Variants in IGBP1 observed in about 807,000 individuals in gnomAD.
IGBP1 encodes immunoglobulin-binding protein 1.
Under a neutral mutation model 25.9 loss-of-function variants are expected in IGBP1, and 2 were observed. The observed-to-expected ratio is 0.08, with a 90% CI of 0.03 to 0.24. The LOEUF (loss-of-function observed/expected upper bound fraction) is 0.24. Ranked by LOEUF, IGBP1 falls within the 10% of genes least tolerant of loss-of-function variation. The pLI is 1.00. For synonymous variants in IGBP1, 96 were observed against 93.4 expected, an observed-to-expected ratio of 1.03 and a Z score of -0.16; for missense variants, 187 against 260.4, an observed-to-expected ratio of 0.72 and a Z score of 1.94.
intron 3 of IGBP1, among the ~76,000 whole-genome samples, chrX:70,137,755 A>G (rs1328295433): frequency 2.5e-4 from 27 of 107,461 alleles, no homozygotes; most frequent in African/African-American, 9.1e-4. Flanking sequence ...ATTATACAAA[A>G]AAAAAAAAAA....
At position 70,134,586 on chromosome X, in the gene IGBP1, T is replaced by G; in HGVS notation, c.252T>G (p.Phe84Leu). 1 of 1,211,665 alleles carries G rather than the reference T, an allele frequency of 8.3e-7. No individual in the cohort carries two copies. Among genetic ancestry groups the G allele is most frequent in the Non-Finnish European group, 1.1e-6 (1 of 895,198 alleles). Residue 84 changes from phenylalanine to leucine, a missense_variant, in exon 3 of 7, where the codon TTT becomes TTG. Transcript: ENST00000356413. ...TGAAGTACCTTTTGGTGCCAGCGTTTCAAGGAGCCCTCACCATGAAACAAG... is the reference window on the plus strand; with the variant it reads ...TGAAGTACCTTTTGGTGCCAGCGTTGCAAGGAGCCCTCACCATGAAACAAG... ...TDLKYLLVPA[F>L]QGALTMKQVN...
intron 3 of IGBP1, among the ~76,000 whole-genome samples, chrX:70,137,753 A>AG (rs201836733): frequency 0.016 from 1,569 of 96,103 alleles, 35 homozygotes; most frequent in African/African-American, 0.07. Context: ...TAATTATACA[A>AG]AAAAAAAAAA....
chrX:70,141,593 C>A (rs955335526), intron 3 of IGBP1, among the ~76,000 whole-genome samples: 1 of 111,343 alleles, frequency 9.0e-6, no homozygotes, highest in African/African-American at 3.3e-5. Flanking sequence ...ATAATTGCAT[C>A]CCCTTGGTGC....
chrX:70,137,969 CAA>C (rs151148886), intron 3 of IGBP1, among the ~76,000 whole-genome samples: 1,383 of 67,503 alleles, frequency 0.02, 31 homozygotes, highest in African/African-American at 0.069. Flanking sequence ...GCCATCTCTG[CAA>C]AAAAAAAAAA....
In IGBP1 at chrX:70,165,939, C is replaced by T. The variant is rs2085295546; in HGVS notation, c.978C>T (p.Asp326=). ...CCCGGGAGTGGGATGACTGGAAGGA[C>T]ACCCATCCTAGGGGCTATGGGAACC... The part of the protein sequence containing the change: ...HRAREWDDWK[D]THPRGYGNRQ... The change falls in exon 7 of 7, where the codon GAC becomes GAT. Residue 326 remains aspartate, a synonymous_variant. Coordinates refer to ENST00000356413, the MANE Select transcript of IGBP1 (RefSeq NM_001551.3). 1 of 1,208,054 alleles carries T rather than the reference C, an allele frequency of 8.3e-7. No homozygotes were observed. Among genetic ancestry groups the T allele is most frequent in the African/African-American group, 1.8e-5 (1 of 56,902 alleles).
At chrX:70,141,918 A>AG (rs777533435) in intron 3 of IGBP1, among the ~76,000 whole-genome samples, 2,074 of 108,357 alleles carry the variant, frequency 0.019, 41 homozygotes, top group African/African-American at 0.063. Flanking sequence ...ATTAAAAAAA[A>AG]GGGGGGGGGC....
chrX:70,152,421 A>G (rs1401239319), intron 6 of IGBP1, among the ~76,000 whole-genome samples: 1 of 111,885 alleles, frequency 8.9e-6, no homozygotes, highest in East Asian at 2.8e-4. Flanking sequence ...AATCTCTACA[A>G]TATATCATTT....
intron 6 of IGBP1, among the ~76,000 whole-genome samples, chrX:70,161,861 C>T (rs1020548818): frequency 1.8e-5 from 2 of 111,620 alleles, no homozygotes; most frequent in African/African-American, 6.5e-5. Flanking sequence ...GCTGCACCCT[C>T]ACAGCCCAAA....
rs750458688 is a variant in IGBP1 at position 70,144,762 on chromosome X, C to G, written c.483-1871C>G. On this transcript the variant is annotated intron_variant, in intron 3 of 6. Transcript: ENST00000356413. ...GCAACCTCTCACTCCCTGGTTCAAGCGATTTTCCTGCCTCAGCCTCCTGAG... is the reference window on the plus strand; with the variant it reads ...GCAACCTCTCACTCCCTGGTTCAAGGGATTTTCCTGCCTCAGCCTCCTGAG... Among the ~76,000 whole-genome samples the G allele has an allele frequency of 2.6e-4, 25 of 96,855 alleles. No individual in the cohort carries two copies. The South Asian group carries it at 0.013, about 49-fold the overall frequency. 84.1% of individuals were successfully genotyped at this position (96,855 alleles called of 115,157 possible). A position where few individuals can be genotyped will look rare whatever the true frequency, so the allele number is the denominator to read the frequency against.
chrX:70,144,650 CTTTTTTTTTTTT>C (rs138993842), intron 3 of IGBP1, among the ~76,000 whole-genome samples: 2 of 27,740 alleles, frequency 7.2e-5, no homozygotes, highest in African/African-American at 3.1e-4. Flanking sequence ...TGGTTCTTGA[CTTTTTTTTTTTT>C]TTTTTTTTTT....
At chrX:70,143,749 CA>C (rs1372193014) in intron 3 of IGBP1, among the ~76,000 whole-genome samples, 3 of 111,450 alleles carry the variant, frequency 2.7e-5, no homozygotes, top group Non-Finnish European at 5.7e-5. Flanking sequence ...CGGGTGTTGA[CA>C]GCCCTCCTGA....
chrX:70,150,123 TAG>T, intron 5 of IGBP1, 85 bp from the exon 6 acceptor site: 1 of 557,742 alleles, frequency 1.8e-6, no homozygotes, highest in Non-Finnish European at 3.2e-6. Flanking sequence ...ACTTTGTTGT[TAG>T]AGAGACTTTT....
At chrX:70,143,084 G>A (rs969157140) in intron 3 of IGBP1, among the ~76,000 whole-genome samples, 1 of 109,929 alleles carries the variant, frequency 9.1e-6, no homozygotes, top group African/African-American at 3.3e-5. Context: ...CACCAAACCC[G>A]GCTAATTTTT....
chrX:70,146,872 C>T (rs753663848), intron 4 of IGBP1, 44 bp downstream of exon 4: 1 of 937,856 alleles, frequency 1.1e-6, no homozygotes, highest in Admixed American at 2.3e-5. Context: ...TTTGAGTATT[C>T]TACAGGAGAT....
At position 70,165,776 on chromosome X, in the gene IGBP1, G is replaced by A. The variant is rs1308900212; in HGVS notation, c.872-57G>A. On this transcript the variant is annotated intron_variant, in intron 6 of 6. Transcript: ENST00000356413. ...TCAGAGTGGAACTGAGGCCCCTGAC[G>A]TTACTTATTAACATTCCCTCAATTT... is the stretch of plus-strand genomic sequence containing the variant. The A allele has an allele frequency of 5.5e-6, 6 of 1,086,397 alleles. No homozygotes were observed. In the Admixed American group the frequency reaches 1.5e-4, roughly 27 times the overall value. The allele number at this position is 1,086,397 out of a possible 1,213,427, so 89.5% of individuals were successfully genotyped here. A position where few individuals can be genotyped will look rare whatever the true frequency, so the allele number is the denominator to read the frequency against.
At chrX:70,150,772 A>G (rs1465223910) in intron 6 of IGBP1, among the ~76,000 whole-genome samples, 1 of 112,160 alleles carries the variant, frequency 8.9e-6, no homozygotes, top group East Asian at 2.8e-4. Flanking sequence ...GATACTTGGA[A>G]TTCATTGAGG....
chrX:70,136,052 A>G (rs1013890450), intron 3 of IGBP1, among the ~76,000 whole-genome samples: 2 of 111,868 alleles, frequency 1.8e-5, no homozygotes, highest in Non-Finnish European at 3.8e-5. Context: ...GACACAGTAA[A>G]CACTCAAAGT....
chrX:70,138,216 C>T (rs1233435216), intron 3 of IGBP1, among the ~76,000 whole-genome samples: 2 of 109,414 alleles, frequency 1.8e-5, no homozygotes, highest in Non-Finnish European at 3.8e-5. Context: ...TGCGGTGGCT[C>T]ATGCCTGTAA....
intron 3 of IGBP1, among the ~76,000 whole-genome samples, chrX:70,144,409 C>T (rs1240781597): frequency 9.0e-6 from 1 of 111,178 alleles, no homozygotes; most frequent in African/African-American, 3.3e-5. Flanking sequence ...GACTTAGGTA[C>T]ATCCAGGAAA....
Sources: allele counts gnomAD v4.1 joint callset (sites outside exome capture counted in the v4.1 genomes callset), GRCh38; gene constraint gnomAD v4.1.1; transcripts MANE v1.5; gene names NCBI Gene and HGNC (gene_info 2026-07-23, HGNC 2026-07-21).